Variants in CUBN observed in about 807,000 individuals in gnomAD.
CUBN encodes cubilin.
A neutral mutation model predicts 405.3 loss-of-function variants in CUBN; 282 were observed. The ratio of observed to expected loss-of-function variants is 0.70; its 90% confidence interval spans 0.63 to 0.77. The LOEUF (loss-of-function observed/expected upper bound fraction) is 0.77. Ranked by LOEUF, CUBN falls within the 30% of genes least tolerant of loss-of-function variation. The pLI, the probability that CUBN is intolerant of heterozygous loss-of-function variation, is 0.00. For missense variants in CUBN, 4,514 were observed against 4,475.2 expected, an observed-to-expected ratio of 1.01 and a Z score of -0.25; for synonymous variants, 1,684 against 1,617.0, an observed-to-expected ratio of 1.04 and a Z score of -0.99.
chr10:17,119,450 AG>A (rs977850768), intron 6 of CUBN, among the ~76,000 whole-genome samples: 4 of 152,208 alleles, frequency 2.6e-5, no homozygotes, highest in African/African-American at 7.2e-5. Flanking sequence ...ACCTGAGGTC[AG>A]GAGTTTGAGA....
At chr10:17,054,889 T>G (rs191899937) in intron 22 of CUBN, among the ~76,000 whole-genome samples, 3 of 152,198 alleles carry the variant, frequency 2.0e-5, no homozygotes, top group Middle Eastern at 3.4e-3. Flanking sequence ...AATTAAGAAA[T>G]TGTTTATATT....
chr10:17,120,001 C>G (rs1485670280), intron 6 of CUBN, among the ~76,000 whole-genome samples: 1 of 152,164 alleles, frequency 6.6e-6, no homozygotes, highest in Non-Finnish European at 1.5e-5. Context: ...AGTAAAAGAG[C>G]TCAAAGAGTT....
chr10:17,011,330 T>A (rs1834173794), intron 28 of CUBN, among the ~76,000 whole-genome samples: 1 of 152,212 alleles, frequency 6.6e-6, no homozygotes, highest in Non-Finnish European at 1.5e-5. Flanking sequence ...GTCCGCAGTT[T>A]CGTCCTTCCA....
intron 51 of CUBN, among the ~76,000 whole-genome samples, chr10:16,901,934 C>CAT (rs1841394133): frequency 7.5e-6 from 1 of 133,126 alleles, no homozygotes; most frequent in Non-Finnish European, 1.6e-5. Flanking sequence ...CACACACACA[C>CAT]ACCATATATA....
At chr10:17,107,936 A>G (rs1009131314) in intron 10 of CUBN, among the ~76,000 whole-genome samples, 7 of 152,190 alleles carry the variant, frequency 4.6e-5, no homozygotes, top group African/African-American at 1.7e-4. Context: ...TTTTAAAAAT[A>G]TTTATAGGGA....
At chr10:17,044,336 G>A (rs1835077480) in intron 25 of CUBN, among the ~76,000 whole-genome samples, 1 of 147,638 alleles carries the variant, frequency 6.8e-6, no homozygotes, top group African/African-American at 2.5e-5. Flanking sequence ...TTATATATAT[G>A]ACATCACAAA....
intron 59 of CUBN, among the ~76,000 whole-genome samples, chr10:16,863,646 A>C (rs900225218): frequency 1.3e-5 from 2 of 152,224 alleles, no homozygotes; most frequent in Admixed American, 1.3e-4. Flanking sequence ...TTTAAATTTA[A>C]CACCAAAACT....
intron 9 of CUBN, among the ~76,000 whole-genome samples, chr10:17,110,293 A>G (rs1204446227): frequency 6.6e-6 from 1 of 152,222 alleles, no homozygotes; most frequent in Non-Finnish European, 1.5e-5. Flanking sequence ...GGAGTGCATG[A>G]TATTAACAAA....
intron 6 of CUBN, chr10:17,121,968 T>C (rs181628161): frequency 6.6e-6 from 1 of 152,368 alleles, no homozygotes; most frequent in Admixed American, 6.5e-5. Flanking sequence ...GGAAAGACAC[T>C]GTCTAGTTTA....
At chr10:16,889,779 G>C (rs1264935081) in intron 55 of CUBN, among the ~76,000 whole-genome samples, 1 of 151,672 alleles carries the variant, frequency 6.6e-6, no homozygotes, top group Non-Finnish European at 1.5e-5. Flanking sequence ...GCACACACCT[G>C]TAGTCCCAGC....
At chr10:16,989,594 C>G (rs1833523525) in intron 29 of CUBN, among the ~76,000 whole-genome samples, 3 of 150,506 alleles carry the variant, frequency 2.0e-5, no homozygotes, top group South Asian at 4.2e-4. Context: ...TATATATACA[C>G]ACACACACAC....
intron 28 of CUBN, among the ~76,000 whole-genome samples, chr10:17,013,702 T>C (rs12414372): frequency 0.4 from 60,400 of 152,098 alleles, 12,314 homozygotes; most frequent in East Asian, 0.59. Flanking sequence ...TGTATACACA[T>C]TTATTCTTTT....
At chr10:16,976,421 T>C (rs543846120) in intron 31 of CUBN, among the ~76,000 whole-genome samples, 2 of 152,330 alleles carry the variant, frequency 1.3e-5, no homozygotes, top group Admixed American at 1.3e-4. Flanking sequence ...ATTTAGTCTC[T>C]ACTTTCTAAC....
chr10:16,918,507 G>C, intron 45 of CUBN, 115 bp downstream of exon 45: 1 of 779,876 alleles, frequency 1.3e-6, no homozygotes, highest in South Asian at 1.5e-5. Context: ...ACTAGGCATA[G>C]TACCTGGCTG....
chr10:16,919,812 T>C, intron 44 of CUBN, 151 bp downstream of exon 44: 1 of 856,168 alleles, frequency 1.2e-6, no homozygotes. Context: ...GCTGGCCGAC[T>C]GTGTTTTCAG....
At chr10:17,009,667 G>A (rs192507495) in intron 28 of CUBN, among the ~76,000 whole-genome samples, 51 of 152,298 alleles carry the variant, frequency 3.3e-4, no homozygotes, top group Non-Finnish European at 5.7e-4. Context: ...GCAATAGTCA[G>A]GGCCCCACTG....
chr10:16,913,011 T>C (rs185948637), intron 48 of CUBN, among the ~76,000 whole-genome samples: 2 of 152,222 alleles, frequency 1.3e-5, no homozygotes, highest in Non-Finnish European at 2.9e-5. Context: ...TAGTAGCAGA[T>C]ATGATGAGAA....
chr10:16,903,646 T>C (rs1841465839), intron 51 of CUBN, among the ~76,000 whole-genome samples: 1 of 147,638 alleles, frequency 6.8e-6, no homozygotes, highest in Non-Finnish European at 1.5e-5. Flanking sequence ...TAAATAATAA[T>C]TATTATTAAT....
chr10:16,858,517 T>A (rs1357451674), intron 59 of CUBN, among the ~76,000 whole-genome samples: 1 of 152,030 alleles, frequency 6.6e-6, no homozygotes, highest in African/African-American at 2.4e-5. Flanking sequence ...GACAGGGTCT[T>A]GCTATTATTG....
Sources: allele counts gnomAD v4.1 joint callset (sites outside exome capture counted in the v4.1 genomes callset), GRCh38; gene constraint gnomAD v4.1.1; transcripts MANE v1.5; gene names NCBI Gene and HGNC (gene_info 2026-07-23, HGNC 2026-07-21).